WDR83: variants seen among roughly 807,000 people sequenced by gnomAD.
WDR83 encodes WD repeat domain-containing protein 83.
In WDR83, 37 loss-of-function variants were observed where a neutral mutation model predicts 37.7. The ratio of observed to expected loss-of-function variants is 0.98; its 90% CI spans 0.76 to 1.29. The LOEUF is 1.29. Among genes scored for constraint, WDR83 ranks in the 50% most tolerant of loss-of-function variants. The probability of loss-of-function intolerance (pLI) is 0.00; values close to 1 mark genes in which losing one functional copy is unlikely to be tolerated. For synonymous variants in WDR83, 174 were observed against 181.1 expected (o/e 0.96, Z 0.31); for missense variants, 445 against 414.4 (o/e 1.07, Z -0.64).
rs1378456363 is a variant in WDR83, at chr19:12,670,792, G to A, written c.477G>A (p.Val159=). Residue 159 remains valine, a synonymous_variant, in exon 7 of 11, where the codon GTG becomes GTA. Coordinates refer to ENST00000418543, the MANE Select transcript of WDR83 (RefSeq NM_001099737.3). ...LDEARDGVSS[V]KVSDHEILAG... is the part of the protein sequence containing the mutation. ...AGGCCAGAGATGGCGTGTCCAGTGT[G>A]AAGGTGTCAGACCACGAGATCCTGG... 6.2e-7 allele frequency: 1 copy of A among 1,614,006 alleles called. No individual in the cohort carries two copies. The highest frequency in any genetic ancestry group is 8.5e-7 in the Non-Finnish European group (1 of 1,179,982).
chr19:12,670,575 G>A lies in WDR83; in HGVS notation c.343G>A (p.Val115Met), dbSNP rs1173073667. 1.9e-6 allele frequency: 3 copies of A among 1,614,208 alleles called. No homozygotes were observed. The highest frequency in any genetic ancestry group is 2.5e-6 in the Non-Finnish European group (3 of 1,180,042). ...ATAACTTTCTCAGAAGGTGAACACG[G>A]TGCAGTTTAATGAAGAGGCCACAGT... ...FRGHAGKVNT[V>M]QFNEEATVIL... The change falls in exon 6 of 11, where the codon GTG (valine) becomes ATG (methionine). Residue 115 changes from valine to methionine, a missense_variant. Val to Met is a conservative substitution (Grantham distance 21). Transcript: ENST00000418543.
intron 2 of WDR83, chr19:12,669,167 C>A: frequency 6.2e-7 from 1 of 1,614,188 alleles, no homozygotes; most frequent in Non-Finnish European, 8.5e-7. Flanking sequence ...TCATGCCCAG[C>A]AGGTTCATGT....
Position 12,670,598 on chromosome 19 carries a change from A to T in WDR83, c.366A>T (p.Thr122=). The stretch of plus-strand genomic sequence containing the variant: ...CGGTGCAGTTTAATGAAGAGGCCAC[A>T]GTTATCCTGTCCGGTGAGTCTGGGG... ...VNTVQFNEEA[T]VILSGSIDSS... Residue 122 remains threonine, a synonymous_variant, in exon 6 of 11, where the codon ACA becomes ACT. Transcript: ENST00000418543. 6.2e-7 allele frequency: 1 copy of T among 1,614,228 alleles called. No individual in the cohort carries two copies. The highest frequency in any genetic ancestry group is 1.1e-5 in the South Asian group (1 of 91,086).
chr19:12,674,811 T>C lies in WDR83; in HGVS notation c.799-712T>C, dbSNP rs77581885. ...AAGAGGAATAACTGATAGAGGAACA[T>C]GTGGTACAAGAAAAAGACTCCCGGC... is the stretch of plus-strand genomic sequence containing the variant. On this transcript the variant is annotated intron_variant, in intron 10 of 10. Coordinates refer to ENST00000418543, the MANE Select transcript of WDR83 (RefSeq NM_001099737.3). Among the ~76,000 whole-genome samples the C allele has an allele frequency of 1.5e-4, 23 of 152,104 alleles. No individual in the cohort carries two copies. The East Asian group carries it at 3.9e-3, about 26-fold the overall frequency.
chr19:12,667,069 T>C (rs886209701), intron 1 of WDR83, 77 bp downstream of exon 1: 3 of 312,506 alleles, frequency 9.6e-6, no homozygotes, highest in Non-Finnish European at 1.8e-5. Context: ...ATCCAGGGTG[T>C]CCGTCCCATG....
In WDR83 at chr19:12,670,105, G is replaced by A; in HGVS notation, c.224+8G>A. 1.2e-6 allele frequency: 2 copies of A among 1,609,150 alleles called. No individual in the cohort carries two copies. The highest frequency in any genetic ancestry group is 2.2e-5 in the East Asian group (1 of 44,774). ...GGTGCTGGATGCGGCCGGGTGAGCC[G>A]GGGACCAGGCTGGGATGGGAGCGCT... On this transcript the variant is annotated splice_region_variant and intron_variant, in intron 4 of 10. Transcript: ENST00000418543.
Position 12,670,225 on chromosome 19 carries a change from G to A in WDR83, c.270G>A (p.Ala90=), listed in dbSNP as rs1216280508. The change falls in exon 5 of 11, where the codon GCG becomes GCA. Residue 90 remains alanine, a synonymous_variant. Transcript: ENST00000418543. ...SSLCSGGGDK[A]VVLWDVASGQ... is the part of the protein sequence containing the mutation. ...TCTGCTCCGGCGGCGGGGACAAGGC[G>A]GTGGTTCTGTGGGATGTGGCATCAG... 1 of 1,614,184 alleles carries A rather than the reference G, an allele frequency of 6.2e-7. No homozygotes were observed. Among genetic ancestry groups the A allele is most frequent in the Admixed American group, 1.7e-5 (1 of 60,020 alleles).
At chr19:12,668,676 G>T in intron 2 of WDR83, 49 bp downstream of exon 2, 2 of 1,433,830 alleles carry the variant, frequency 1.4e-6, no homozygotes, top group South Asian at 2.4e-5. Context: ...AGTCCCCGAA[G>T]CCACCTTTCC....
At chr19:12,668,452 A>G in intron 1 of WDR83, 56 bp from the exon 2 acceptor site, 1 of 1,613,262 alleles carries the variant, frequency 6.2e-7, no homozygotes, top group East Asian at 2.2e-5. Context: ...GTGTCAGTCT[A>G]GGATGGCCAG....
rs370911906 is a variant in WDR83 at position 12,672,627 on chromosome 19, G to A, written c.507-220G>A. 1,097 of 576,680 alleles carry A rather than the reference G, an allele frequency of 1.9e-3. 4 individuals carry two copies. Among genetic ancestry groups the A allele is most frequent in the Middle Eastern group, 2.8e-3 (6 of 2,106 alleles). 35.7% of individuals were successfully genotyped at this position (576,680 alleles called of 1,614,324 possible). A position where few individuals can be genotyped will look rare whatever the true frequency, so the allele number is the denominator to read the frequency against. On this transcript the variant is annotated intron_variant, in intron 7 of 10. Coordinates refer to ENST00000418543, the MANE Select transcript of WDR83 (RefSeq NM_001099737.3). ...CTGTCTCAAACAAAAGGAAGAAAAGGGGGAATCAGAAGGACTCCAAGGGCT... is the reference window on the plus strand; with the variant it reads ...CTGTCTCAAACAAAAGGAAGAAAAGAGGGAATCAGAAGGACTCCAAGGGCT...
At chr19:12,667,089 C>G (rs1364617223) in intron 1 of WDR83, 97 bp downstream of exon 1, 2 of 280,408 alleles carry the variant, frequency 7.1e-6, no homozygotes, top group African/African-American at 4.6e-5. Context: ...GGACCTTCAG[C>G]GCTAGGGTCC....
intron 2 of WDR83, chr19:12,669,146 C>T: frequency 6.2e-7 from 1 of 1,614,120 alleles, no homozygotes; most frequent in Non-Finnish European, 8.5e-7. Flanking sequence ...TGAGGCCGCA[C>T]ATGCTGAAGA....
chr19:12,675,029 G>A (rs1034268733), intron 10 of WDR83, among the ~76,000 whole-genome samples: 4 of 151,942 alleles, frequency 2.6e-5, no homozygotes, highest in Admixed American at 6.6e-5. Context: ...CAGGAGAATC[G>A]CTTGAACTAG....
chr19:12,675,654 A>G lies in WDR83; in HGVS notation c.930A>G (p.Ala310=). The stretch of plus-strand genomic sequence containing the variant: ...GCTGGCGAGAGGAGGCCTATGAGGC[A>G]GAGGATGGAGCAGGCTGAAGCCAGG... ...VQCWREEAYE[A]EDGAG Residue 310 remains alanine (A), a synonymous_variant, in exon 11 of 11, where the codon GCA becomes GCG. Coordinates refer to ENST00000418543, the MANE Select transcript of WDR83 (RefSeq NM_001099737.3). 6.2e-7 allele frequency: 1 copy of G among 1,601,378 alleles called. No homozygotes were observed. The highest frequency in any genetic ancestry group is 8.5e-7 in the Non-Finnish European group (1 of 1,179,658).
At chr19:12,674,627 G>A (rs1434444192) in intron 10 of WDR83, among the ~76,000 whole-genome samples, 1 of 152,198 alleles carries the variant, frequency 6.6e-6, no homozygotes, top group African/African-American at 2.4e-5. Context: ...TGTTTACATT[G>A]TGTTGGGACC....
chr19:12,670,434 C>A (rs1334140444), intron 5 of WDR83, 129 bp from the exon 6 acceptor site: 82 of 1,518,846 alleles, frequency 5.4e-5, no homozygotes, highest in Non-Finnish European at 7.1e-5. Context: ...AGTCACCAAC[C>A]CCTGTCCTTG....
intron 7 of WDR83, among the ~76,000 whole-genome samples, chr19:12,671,510 G>A (rs1177362998): frequency 1.3e-5 from 2 of 151,796 alleles, no homozygotes; most frequent in East Asian, 2.0e-4. Flanking sequence ...AAATTAGCCG[G>A]GCATAGTGGC....
chr19:12,672,675 G>A lies in WDR83; in HGVS notation c.507-172G>A, dbSNP rs1222504171. ...GCTTGGAAAGGGGGTGTGGGTCTTG[G>A]AAATGATGGAGTAGGACGTAATTGG... On this transcript the variant is annotated intron_variant, in intron 7 of 10. Coordinates refer to ENST00000418543, the MANE Select transcript of WDR83 (RefSeq NM_001099737.3). 6.1e-6 allele frequency: 4 copies of A among 651,420 alleles called. No individual in the cohort carries two copies. The East Asian group carries it at 1.1e-4, about 18-fold the overall frequency. 40.4% of individuals were successfully genotyped at this position (651,420 alleles called of 1,614,324 possible). A position where few individuals can be genotyped will look rare whatever the true frequency, so the allele number is the denominator to read the frequency against.
chr19:12,669,261 C>A, intron 2 of WDR83: 1 of 1,612,524 alleles, frequency 6.2e-7, no homozygotes, highest in Non-Finnish European at 8.5e-7. Flanking sequence ...GTCAGGGGCG[C>A]TCAGGTCCTG....
Sources: allele counts gnomAD v4.1 joint callset (sites outside exome capture counted in the v4.1 genomes callset), GRCh38; gene constraint gnomAD v4.1.1; transcripts MANE v1.5; gene names NCBI Gene and HGNC (gene_info 2026-07-23, HGNC 2026-07-21).